CDH23: variants seen among roughly 807,000 people sequenced by gnomAD.
The protein encoded by CDH23 is cadherin related 23, also known as cadherin-23.
CDH23 carries 189 observed loss-of-function variants against 317.1 expected under a neutral mutation model. The ratio of observed to expected loss-of-function variants is 0.60; its 90% CI spans 0.53 to 0.67. CDH23 has a LOEUF of 0.67. Ranked by LOEUF, CDH23 falls within the 30% of genes least tolerant of loss-of-function variation. CDH23 has a pLI of 0.00. For synonymous variants in CDH23, 1,839 were observed against 1,876.8 expected, an observed-to-expected ratio of 0.98 and a Z score of 0.52; for missense variants, 4,401 against 4,592.4, an observed-to-expected ratio of 0.96 and a Z score of 1.20.
At chr10:71,574,039 GC>G (rs1589223196) in intron 8 of CDH23, among the ~76,000 whole-genome samples, 1 of 151,814 alleles carries the variant, frequency 6.6e-6, no homozygotes, top group Admixed American at 6.6e-5. Context: ...CTGATTTAAC[GC>G]AGCATTCCCA....
chr10:71,437,779 G>C (rs995550345), intron 1 of CDH23, among the ~76,000 whole-genome samples: 1 of 152,164 alleles, frequency 6.6e-6, no homozygotes, highest in Non-Finnish European at 1.5e-5. Context: ...AAAATCAGAA[G>C]CTCCGCCACA....
At chr10:71,620,310 T>A (rs1034378267) in intron 11 of CDH23, among the ~76,000 whole-genome samples, 1 of 152,128 alleles carries the variant, frequency 6.6e-6, no homozygotes, top group Admixed American at 6.5e-5. Flanking sequence ...AGGAGGCATG[T>A]ACAGGGCGTG....
intron 30 of CDH23, among the ~76,000 whole-genome samples, chr10:71,726,028 C>A (rs1490478338): frequency 6.6e-6 from 1 of 152,184 alleles, no homozygotes; most frequent in Non-Finnish European, 1.5e-5. Context: ...CAAATGTATT[C>A]TTTCCTGCCC....
chr10:71,798,491 C>T lies in CDH23; in HGVS notation c.6967C>T (p.Pro2323Ser). ...TTLIAVAAVDPDKGLNGLVTY... is the reference protein window; with the variant it reads ...TTLIAVAAVDSDKGLNGLVTY... ...ACTCATTGCTGTGGCAGCCGTGGACCCTGACAAGGGCCTTAATGGGCTGGT... is the reference window on the plus strand; with the variant it reads ...ACTCATTGCTGTGGCAGCCGTGGACTCTGACAAGGGCCTTAATGGGCTGGT... The change falls in exon 50 of 70, where the codon CCT (proline) becomes TCT (serine). Residue 2323 changes from proline (P) to serine (S), a missense_variant. Around this residue, in one of 3 missense-constraint regions of CDH23, gnomAD observed 3,068 missense variants for 3,203.3 expected, o/e 0.96. Transcript: ENST00000224721. 6.2e-7 allele frequency: 1 copy of T among 1,613,976 alleles called. No individual in the cohort carries two copies. The highest frequency in any genetic ancestry group is 1.1e-5 in the South Asian group (1 of 91,086).
intron 38 of CDH23, chr10:71,749,071 C>A (rs536535471): frequency 5.9e-5 from 9 of 152,492 alleles, no homozygotes; most frequent in African/African-American, 2.2e-4. Context: ...AGCAGCCAGG[C>A]CTGGGGTCTG....
At chr10:71,402,462 A>C (rs181000532) in intron 1 of CDH23, among the ~76,000 whole-genome samples, 1 of 152,320 alleles carries the variant, frequency 6.6e-6, no homozygotes, top group African/African-American at 2.4e-5. Flanking sequence ...TAGTTTTCTC[A>C]TCTGTAAAAT....
At chr10:71,735,473 G>T (rs1171037114) in intron 34 of CDH23, among the ~76,000 whole-genome samples, 2 of 152,106 alleles carry the variant, frequency 1.3e-5, no homozygotes, top group Non-Finnish European at 2.9e-5. Flanking sequence ...CCTGAGAGAG[G>T]TCCATGGGAT....
In CDH23 at chr10:71,734,223, T is replaced by C. The variant is rs1189201239; in HGVS notation, c.4105-17T>C. On this transcript the variant is annotated splice_polypyrimidine_tract_variant and intron_variant, in intron 32 of 69. Transcript: ENST00000224721. ...GGTGCGATGTTGTCACTCACCCATC[T>C]GGCCCCTTCCCTGCAGGGTGTGATC... is the stretch of plus-strand genomic sequence containing the variant. 2 of 1,595,094 alleles carry C rather than the reference T, an allele frequency of 1.3e-6. No homozygotes were observed. Among genetic ancestry groups the C allele is most frequent in the Admixed American group, 3.5e-5 (2 of 57,480 alleles).
chr10:71,627,127 C>T (rs1437820808), intron 11 of CDH23, among the ~76,000 whole-genome samples: 1 of 152,186 alleles, frequency 6.6e-6, no homozygotes, highest in African/African-American at 2.4e-5. Flanking sequence ...AGCACCTCTC[C>T]GCATCTCTGT....
chr10:71,658,771 A>G (rs185592915), intron 14 of CDH23, among the ~76,000 whole-genome samples: 202 of 152,134 alleles, frequency 1.3e-3, no homozygotes, highest in African/African-American at 4.7e-3. Context: ...CAGACCCCAG[A>G]CGGTCTGACC....
intron 11 of CDH23, among the ~76,000 whole-genome samples, 194 bp from the exon 12 acceptor site, chr10:71,643,667 G>A (rs549626695): frequency 1.7e-4 from 26 of 152,054 alleles, no homozygotes; most frequent in Non-Finnish European, 2.8e-4. Context: ...CACACAATAC[G>A]CCTCCTCCAG....
chr10:71,714,297 G>A (rs1463607798), intron 28 of CDH23: 2 of 152,050 alleles, frequency 1.3e-5, no homozygotes, highest in Admixed American at 6.5e-5. Flanking sequence ...AGAGGGTGGG[G>A]ACACACCCAG....
rs184871259 is a variant in CDH23 at position 71,587,817 on chromosome 10, C to T, written c.832+9825C>T. Among the ~76,000 whole-genome samples, 14 of 152,328 alleles carry T rather than the reference C, an allele frequency of 9.2e-5. No homozygotes were observed. The East Asian group carries it at 2.3e-3, about 25-fold the overall frequency. Reference sequence around the variant, plus strand: ...CTTAGCTTTCAAGGCAGCCCCCAGCCGGGGCTAATCTGAAATAAAAGTTTT... The same window carrying T: ...CTTAGCTTTCAAGGCAGCCCCCAGCTGGGGCTAATCTGAAATAAAAGTTTT... On this transcript the variant is annotated intron_variant, in intron 9 of 69. Coordinates refer to ENST00000224721, the MANE Select transcript of CDH23 (RefSeq NM_022124.6).
chr10:71,588,783 T>C (rs1021324819), intron 9 of CDH23, among the ~76,000 whole-genome samples: 4 of 152,182 alleles, frequency 2.6e-5, no homozygotes, highest in African/African-American at 9.6e-5. Flanking sequence ...CCCTCATCCC[T>C]CTGGGTGTTC....
rs754616253 is a variant in CDH23, at chr10:71,740,885, C to T, written c.4552C>T (p.Leu1518=). 1.2e-6 allele frequency: 2 copies of T among 1,614,008 alleles called. No individual in the cohort carries two copies. Among genetic ancestry groups the T allele is most frequent in the South Asian group, 1.1e-5 (1 of 91,086 alleles). ...KKDHILQVTI[L]DINDNPPVIE... ...GGACCACATCCTGCAGGTGACCATCCTGGACATCAATGACAACCCTCCAGT... is the reference window on the plus strand; with the variant it reads ...GGACCACATCCTGCAGGTGACCATCTTGGACATCAATGACAACCCTCCAGT... Residue 1518 remains leucine (L), a synonymous_variant, in exon 37 of 70, where the codon CTG becomes TTG. Transcript: ENST00000224721.
rs116221963 is a variant in CDH23 at position 71,491,582 on chromosome 10, C to G, written c.146-18500C>G. On this transcript the variant is annotated intron_variant, in intron 3 of 69. Coordinates refer to ENST00000224721, the MANE Select transcript of CDH23 (RefSeq NM_022124.6). Reference sequence around the variant, plus strand: ...CTTTTTGACCTCAGCAGAGGCCATACTCTACGCCCTTCATTTGTAACACAA... The same window carrying G: ...CTTTTTGACCTCAGCAGAGGCCATAGTCTACGCCCTTCATTTGTAACACAA... 6.2e-4 allele frequency among the ~76,000 whole-genome samples: 95 copies of G among 152,316 alleles called. 1 individual carries two copies. Among genetic ancestry groups the G allele is most frequent in the African/African-American group, 2.3e-3 (94 of 41,556 alleles).
At chr10:71,723,998 C>T (rs1185876296) in intron 28 of CDH23, 47 bp from the exon 29 acceptor site, 5 of 1,547,728 alleles carry the variant, frequency 3.2e-6, no homozygotes, top group African/African-American at 2.7e-5. Context: ...TCTTCTCTCC[C>T]TGCTGGGTGG....
chr10:71,674,067 A>G (rs1263645344), intron 14 of CDH23, among the ~76,000 whole-genome samples: 11 of 152,244 alleles, frequency 7.2e-5, no homozygotes, highest in African/African-American at 2.4e-4. Flanking sequence ...AGGCAGCCCT[A>G]TACAAGCTGG....
At chr10:71,431,577 A>G (rs947023461) in intron 1 of CDH23, among the ~76,000 whole-genome samples, 5 of 152,280 alleles carry the variant, frequency 3.3e-5, no homozygotes, top group Middle Eastern at 3.4e-3. Flanking sequence ...ACCAAATTGT[A>G]TTTGATTTCT....
Sources: allele counts gnomAD v4.1 joint callset (sites outside exome capture counted in the v4.1 genomes callset), GRCh38; gene constraint gnomAD v4.1.1; regional missense constraint gnomAD v4.1.1; transcripts MANE v1.5; gene names NCBI Gene and HGNC (gene_info 2026-07-23, HGNC 2026-07-21).